Variants in CSNK1E observed in about 807,000 individuals in gnomAD.
The protein encoded by CSNK1E is casein kinase 1 epsilon, also known as casein kinase I isoform epsilon.
CSNK1E carries 17 observed loss-of-function variants against 46.1 expected under a neutral mutation model. That is an observed-to-expected ratio of 0.37 (90% CI 0.25 to 0.55). CSNK1E has a LOEUF of 0.55. Among genes scored for constraint, CSNK1E ranks in the 20% least tolerant of loss-of-function variants. The pLI is 0.82. For missense variants in CSNK1E, 386 were observed against 595.4 expected (o/e 0.65, Z 3.66); for synonymous variants, 241 against 242.6 (o/e 0.99, Z 0.06).
At chr22:38,306,832 C>A (rs1327315212) in intron 2 of CSNK1E, among the ~76,000 whole-genome samples, 1 of 152,108 alleles carries the variant, frequency 6.6e-6, no homozygotes, top group Non-Finnish European at 1.5e-5. Context: ...GCCGATTCAA[C>A]CATGGATCAA....
At chr22:38,296,395 C>A (rs2145829972) in intron 7 of CSNK1E, 2 of 1,409,446 alleles carry the variant, frequency 1.4e-6, no homozygotes, top group African/African-American at 1.5e-5. Flanking sequence ...ATCCACAGAT[C>A]CCAGCACCCC....
In CSNK1E at chr22:38,298,149, G is replaced by C. The variant is rs1372566547; in HGVS notation, c.885+637C>G. 1 of 1,299,516 alleles carries C rather than the reference G, an allele frequency of 7.7e-7. No individual in the cohort carries two copies. Among genetic ancestry groups the C allele is most frequent in the Non-Finnish European group, 1.0e-6 (1 of 986,346 alleles). 80.5% of individuals were successfully genotyped at this position (1,299,516 alleles called of 1,614,324 possible). ...CAGGGACAGGGGCGGGGACAGAAAGGTCCCTTCGCTGTCATGGGGCTGTCA... is the reference window on the plus strand; with the variant it reads ...CAGGGACAGGGGCGGGGACAGAAAGCTCCCTTCGCTGTCATGGGGCTGTCA... On this transcript the variant is annotated intron_variant, in intron 7 of 10. Coordinates refer to ENST00000396832, the MANE Select transcript of CSNK1E (RefSeq NM_152221.3). This position sits in a 1 kb window ranked among gnomAD's most constrained non-coding sequence, Gnocchi z 4.2.
chr22:38,312,732 G>T (rs987358608), intron 2 of CSNK1E, among the ~76,000 whole-genome samples: 3 of 152,232 alleles, frequency 2.0e-5, no homozygotes, highest in African/African-American at 7.2e-5. Context: ...CCTTGGAACA[G>T]TTCTTGGTCA....
At chr22:38,297,806 G>C (rs1167737364) in intron 7 of CSNK1E, 47 of 1,008,010 alleles carry the variant, frequency 4.7e-5, no homozygotes, top group Non-Finnish European at 5.5e-5. Context: ...CATCTCTTGG[G>C]AACAGGGGGT....
intron 7 of CSNK1E, chr22:38,296,670 G>GGA (rs766835485): frequency 5.6e-5 from 90 of 1,612,606 alleles, no homozygotes; most frequent in Non-Finnish European, 7.4e-5. Flanking sequence ...AGCAGTGGGT[G>GGA]GAGAGGTGCT....
chr22:38,298,532 C>T lies in CSNK1E; in HGVS notation c.885+254G>A, dbSNP rs952704706. Reference sequence around the variant, plus strand: ...CCTGCTGCGGGCACCCAGGAGGGACCCCAGGTGAAGCCAGATCCTCCTTGT... The same window carrying T: ...CCTGCTGCGGGCACCCAGGAGGGACTCCAGGTGAAGCCAGATCCTCCTTGT... On this transcript the variant is annotated intron_variant, in intron 7 of 10. Transcript: ENST00000396832. This position sits in a 1 kb window ranked among gnomAD's most constrained non-coding sequence, Gnocchi z 4.2. 2.0e-6 allele frequency: 1 copy of T among 493,286 alleles called. No individual in the cohort carries two copies. The highest frequency in any genetic ancestry group is 1.9e-5 in the African/African-American group (1 of 51,312). 30.6% of individuals were successfully genotyped at this position (493,286 alleles called of 1,614,324 possible).
chr22:38,293,984 A>AG (rs1205388418), intron 9 of CSNK1E, 125 bp downstream of exon 9: 1 of 1,151,020 alleles, frequency 8.7e-7, no homozygotes, highest in African/African-American at 1.5e-5. Flanking sequence ...GCTCTACAGA[A>AG]GGGGTTCACT....
intron 2 of CSNK1E, among the ~76,000 whole-genome samples, chr22:38,310,887 C>A (rs1226236274): frequency 6.6e-6 from 1 of 152,194 alleles, no homozygotes; most frequent in African/African-American, 2.4e-5. Flanking sequence ...AAGAATGTGG[C>A]CAGAGTGTTG....
At chr22:38,306,017 G>A (rs2092697287) in intron 2 of CSNK1E, among the ~76,000 whole-genome samples, 2 of 152,196 alleles carry the variant, frequency 1.3e-5, no homozygotes, top group Admixed American at 1.3e-4. Context: ...TCCTGAGGGG[G>A]CTGATTAAAT....
In CSNK1E at chr22:38,316,891, C is replaced by T. The variant is rs2092749202; in HGVS notation, c.-13+269G>A. The T allele has an allele frequency of 2.0e-5, 3 of 152,148 alleles. No individual in the cohort carries two copies. The South Asian group carries it at 6.2e-4, about 32-fold the overall frequency. The allele number at this position is 152,148 out of a possible 1,614,324, so 9.4% of individuals were successfully genotyped here. A position where few individuals can be genotyped will look rare whatever the true frequency, so the allele number is the denominator to read the frequency against. ...TGGCCGGCCGGGGCCTCGGAGGGCC[C>T]AGCGGGGGGAAGCGGAGGCAGGCCG... On this transcript the variant is annotated intron_variant, in intron 1 of 10. Coordinates refer to ENST00000396832, the MANE Select transcript of CSNK1E (RefSeq NM_152221.3).
At chr22:38,293,478 G>A (rs1371672532) in intron 9 of CSNK1E, among the ~76,000 whole-genome samples, 159 bp from the exon 10 acceptor site, 1 of 151,958 alleles carries the variant, frequency 6.6e-6, no homozygotes, top group African/African-American at 2.4e-5. Context: ...CAAGCTGAGG[G>A]AAGGCCTGTG....
rs2092681799 is a variant in CSNK1E at position 38,303,082 on chromosome 22, T to C, written c.187+56A>G. On this transcript the variant is annotated intron_variant, in intron 3 of 10. Transcript: ENST00000396832. This position sits in a 1 kb window ranked among gnomAD's most constrained non-coding sequence, Gnocchi z 4.7. ...CAGCCACGCCCGGCCCACCCTGTGC[T>C]CATGGCTGCCCACCGCCACCCACCC... The C allele has an allele frequency of 1.9e-6, 3 of 1,599,744 alleles. No individual in the cohort carries two copies. Among genetic ancestry groups the C allele is most frequent in the Admixed American group, 1.7e-5 (1 of 59,474 alleles).
At chr22:38,311,423 C>A (rs1473985447) in intron 2 of CSNK1E, among the ~76,000 whole-genome samples, 2 of 152,204 alleles carry the variant, frequency 1.3e-5, no homozygotes, top group Non-Finnish European at 2.9e-5. Context: ...GGAGGTCCCA[C>A]CACACAAGAT....
In CSNK1E at chr22:38,297,284, C is replaced by T. The variant is rs974239720; in HGVS notation, c.885+1502G>A. ...GCCCAATGCCCTGTGGTGGAAAGAGCTGGTCCCAGGTGCTCAAGGCCATGG... is the reference window on the plus strand; with the variant it reads ...GCCCAATGCCCTGTGGTGGAAAGAGTTGGTCCCAGGTGCTCAAGGCCATGG... On this transcript the variant is annotated intron_variant, in intron 7 of 10. Coordinates refer to ENST00000396832, the MANE Select transcript of CSNK1E (RefSeq NM_152221.3). 41 of 632,012 alleles carry T rather than the reference C, an allele frequency of 6.5e-5. No individual in the cohort carries two copies. In the Admixed American group the frequency reaches 8.4e-4, roughly 13 times the overall value. The allele number at this position is 632,012 out of a possible 1,614,324, so 39.2% of individuals were successfully genotyped here.
intron 1 of CSNK1E, among the ~76,000 whole-genome samples, chr22:38,315,439 C>A (rs1022722017): frequency 3.9e-5 from 6 of 152,226 alleles, no homozygotes; most frequent in African/African-American, 1.4e-4. Context: ...AAACTCTGGG[C>A]TCTCAATCAA....
intron 7 of CSNK1E, chr22:38,296,376 G>T: frequency 7.2e-7 from 1 of 1,394,564 alleles, no homozygotes; most frequent in Non-Finnish European, 9.3e-7. Flanking sequence ...TGGCTTCCAG[G>T]CCCCAGGGAT....
At position 38,291,295 on chromosome 22, in the gene CSNK1E, G is replaced by C. The variant is rs1022292757; in HGVS notation, c.*676C>G. ...GGGAATTCGGGCTGGCAGGCGGGGCGGGCCGTGGCACCTGCTGTCTTGGGA... is the reference window on the plus strand; with the variant it reads ...GGGAATTCGGGCTGGCAGGCGGGGCCGGCCGTGGCACCTGCTGTCTTGGGA... On this transcript the variant is annotated 3_prime_UTR_variant, in exon 11 of 11. Coordinates refer to ENST00000396832, the MANE Select transcript of CSNK1E (RefSeq NM_152221.3). The C allele has an allele frequency of 2.0e-5, 3 of 152,682 alleles. No individual in the cohort carries two copies. Among genetic ancestry groups the C allele is most frequent in the Non-Finnish European group, 2.9e-5 (2 of 68,576 alleles). 9.5% of individuals were successfully genotyped at this position (152,682 alleles called of 1,614,324 possible).
rs576746200 is a variant in CSNK1E, at chr22:38,294,584, T to C, written c.886-50A>G. The C allele has an allele frequency of 1.3e-6, 2 of 1,517,402 alleles. No homozygotes were observed. The highest frequency in any genetic ancestry group is 1.4e-5 in the African/African-American group (1 of 71,236). 94.0% of individuals were successfully genotyped at this position (1,517,402 alleles called of 1,614,324 possible). A position where few individuals can be genotyped will look rare whatever the true frequency, so the allele number is the denominator to read the frequency against. On this transcript the variant is annotated intron_variant, in intron 7 of 10. Transcript: ENST00000396832. The surrounding 1 kb of genome is among the most constrained non-coding windows in gnomAD (Gnocchi z 5.5). ...CAGTCAGCCCCAGAGGCCAGGGTGCTCTGGGCCCAGCAGCCCTGCAGGGCA... is the reference window on the plus strand; with the variant it reads ...CAGTCAGCCCCAGAGGCCAGGGTGCCCTGGGCCCAGCAGCCCTGCAGGGCA...
chr22:38,303,309 G>T lies in CSNK1E; in HGVS notation c.77-61C>A. The T allele has an allele frequency of 7.3e-7, 1 of 1,378,054 alleles. No individual in the cohort carries two copies. 85.4% of individuals were successfully genotyped at this position (1,378,054 alleles called of 1,614,324 possible). A position where few individuals can be genotyped will look rare whatever the true frequency, so the allele number is the denominator to read the frequency against. On this transcript the variant is annotated intron_variant, in intron 2 of 10. Coordinates refer to ENST00000396832, the MANE Select transcript of CSNK1E (RefSeq NM_152221.3). The surrounding 1 kb of genome is among the most constrained non-coding windows in gnomAD (Gnocchi z 4.7). ...CCTCAAAGGCCAGGCAGTCCCAGGC[G>T]CCCCACTAAGCATTTCTGAGATCTG...
Sources: gnomAD v4.1 joint callset for allele counts (sites outside exome capture counted in the v4.1 genomes callset) on GRCh38, gnomAD v4.1.1 for gene constraint, Gnocchi (gnomAD v3.1) non-coding constraint, MANE v1.5 for transcripts, NCBI Gene and HGNC (gene_info 2026-07-23, HGNC 2026-07-21) for gene names.